Variants in ZNF471 observed in about 807,000 individuals in gnomAD.
The protein encoded by ZNF471 is zinc finger protein 471, also known as EZFIT-related protein 1.
ZNF471 carries 7 observed loss-of-function variants against 13.7 expected under a neutral mutation model. The ratio of observed to expected loss-of-function variants is 0.51; its 90% CI spans 0.29 to 0.96. ZNF471 has a LOEUF of 0.96. Among genes scored for constraint, ZNF471 ranks in the 40% least tolerant of loss-of-function variants. The probability of loss-of-function intolerance (pLI) is 0.08; values close to 1 mark genes in which losing one functional copy is unlikely to be tolerated. For missense variants in ZNF471, 663 were observed against 743.3 expected, an observed-to-expected ratio of 0.89 and a Z score of 1.26; for synonymous variants, 218 against 235.6, an observed-to-expected ratio of 0.93 and a Z score of 0.68.
intron 4 of ZNF471, among the ~76,000 whole-genome samples, chr19:56,521,717 G>C (rs1385524936): frequency 6.6e-6 from 1 of 150,868 alleles, no homozygotes; most frequent in Non-Finnish European, 1.5e-5. Flanking sequence ...TTGAGAGGCT[G>C]AGGTGGGAGG....
Position 56,516,315 on chromosome 19 carries a change from A to C in ZNF471, c.74A>C (p.Gln25Pro). 6.2e-7 allele frequency: 1 copy of C among 1,613,958 alleles called. No individual in the cohort carries two copies. ...AAGGATGTGGCAATAGATTTTTCCC[A>C]GGAAGAATGGCAATGGATGAACCCT... ...TFKDVAIDFS[Q>P]EEWQWMNPAQ... The change falls in exon 3 of 5, where the codon CAG (glutamine) becomes CCG (proline). Residue 25 changes from glutamine (Q) to proline (P), a missense_variant. Transcript: ENST00000308031. The surrounding 1 kb of genome is among the most constrained non-coding windows in gnomAD (Gnocchi z 4.4).
intron 4 of ZNF471, among the ~76,000 whole-genome samples, chr19:56,521,818 C>T (rs2043978251): frequency 6.6e-6 from 1 of 151,794 alleles, no homozygotes; most frequent in Non-Finnish European, 1.5e-5. Context: ...TGGTGGCATG[C>T]ACTTGGTACT....
chr19:56,518,684 T>C, intron 4 of ZNF471, 107 bp downstream of exon 4: 1 of 888,692 alleles, frequency 1.1e-6, no homozygotes, highest in Non-Finnish European at 1.7e-6. Context: ...TTCATAAGCC[T>C]TACAGGCCTG....
intron 1 of ZNF471, among the ~76,000 whole-genome samples, chr19:56,509,258 C>T (rs190821582): frequency 4.6e-5 from 7 of 152,308 alleles, no homozygotes; most frequent in Non-Finnish European, 8.8e-5. Context: ...GTCATGCCTA[C>T]ATTATGAAGC....
rs2147908416 is a variant in ZNF471 at position 56,513,969 on chromosome 19, T to G, written c.34-2306T>G. Among the ~76,000 whole-genome samples the G allele has an allele frequency of 2.0e-5, 3 of 152,192 alleles. No individual in the cohort carries two copies. The Middle Eastern group carries it at 0.01, about 518-fold the overall frequency. On this transcript the variant is annotated intron_variant, in intron 2 of 4. Transcript: ENST00000308031. ...AATATTTTACATTAGTGTGGTACTT[T>G]TGTTAAAATTAATGAACCAATATTG...
At position 56,516,126 on chromosome 19, in the gene ZNF471, C is replaced by A; in HGVS notation, c.34-149C>A. 1 of 701,272 alleles carries A rather than the reference C, an allele frequency of 1.4e-6. No individual in the cohort carries two copies. Among genetic ancestry groups the A allele is most frequent in the Non-Finnish European group, 2.3e-6 (1 of 427,672 alleles). The allele number at this position is 701,272 out of a possible 1,614,324, so 43.4% of individuals were successfully genotyped here. ...TGTACCCAATGCAGTTAAACACTTCCATAAGTACTGTTTTGGCTTGGATCT... is the reference window on the plus strand; with the variant it reads ...TGTACCCAATGCAGTTAAACACTTCAATAAGTACTGTTTTGGCTTGGATCT... On this transcript the variant is annotated intron_variant, in intron 2 of 4. Coordinates refer to ENST00000308031, the MANE Select transcript of ZNF471 (RefSeq NM_020813.4). The surrounding 1 kb of genome is among the most constrained non-coding windows in gnomAD (Gnocchi z 4.4).
In ZNF471 at chr19:56,511,613, A is replaced by AT. The variant is rs779853411; in HGVS notation, c.33+10dup. ...TAAAAGTCATGCCCCAGGTTAGTGG[A>AT]TATTTTCTTTCTCTTCATGAAAGGC... On this transcript the variant is annotated intron_variant, in intron 2 of 4. Transcript: ENST00000308031. The AT allele has an allele frequency of 3.7e-6, 6 of 1,608,744 alleles. No homozygotes were observed. In the African/African-American group the frequency reaches 8.0e-5, roughly 22 times the overall value.
At chr19:56,513,556 A>G (rs552771680) in intron 2 of ZNF471, among the ~76,000 whole-genome samples, 71 of 152,236 alleles carry the variant, frequency 4.7e-4, no homozygotes, top group Admixed American at 1.0e-3. Flanking sequence ...AACTTCTGTT[A>G]TTGCATACTT....
At position 56,522,526 on chromosome 19, in the gene ZNF471, G is replaced by C. The variant is rs2043987505; in HGVS notation, c.257-1798G>C. ...TTAGTGCATAATGTATAATTGCTTA[G>C]GAAATATTGGATTAGTCGATGATTT... is the stretch of plus-strand genomic sequence containing the variant. On this transcript the variant is annotated intron_variant, in intron 4 of 4. Coordinates refer to ENST00000308031, the MANE Select transcript of ZNF471 (RefSeq NM_020813.4). This position sits in a 1 kb window ranked among gnomAD's most constrained non-coding sequence, Gnocchi z 4.1. 6.6e-6 allele frequency among the ~76,000 whole-genome samples: 1 copy of C among 152,032 alleles called. No homozygotes were observed. Among genetic ancestry groups the C allele is most frequent in the Admixed American group, 6.6e-5 (1 of 15,250 alleles).
Position 56,526,007 on chromosome 19 carries a change from G to T in ZNF471, c.*59G>T. On this transcript the variant is annotated 3_prime_UTR_variant, in exon 5 of 5. Transcript: ENST00000308031. ...CACCAATCCCCTACTGTTAATCAGA[G>T]ATGTCCCACTGGATAAAAAACATAT... The T allele has an allele frequency of 1.4e-6, 2 of 1,453,174 alleles. No homozygotes were observed. The highest frequency in any genetic ancestry group is 1.8e-6 in the Non-Finnish European group (2 of 1,084,424). The allele number at this position is 1,453,174 out of a possible 1,614,324, so 90.0% of individuals were successfully genotyped here.
intron 4 of ZNF471, among the ~76,000 whole-genome samples, chr19:56,520,007 G>A (rs538742353): frequency 7.2e-5 from 11 of 152,230 alleles, no homozygotes; most frequent in African/African-American, 2.2e-4. Flanking sequence ...GTATCATTCC[G>A]GGTTTCTGGC....
Position 56,512,629 on chromosome 19 carries a change from G to A in ZNF471, c.33+1025G>A, listed in dbSNP as rs895664080. 4.7e-5 allele frequency among the ~76,000 whole-genome samples: 7 copies of A among 147,624 alleles called. No individual in the cohort carries two copies. In the East Asian group the frequency reaches 1.4e-3, roughly 29 times the overall value. On this transcript the variant is annotated intron_variant, in intron 2 of 4. Coordinates refer to ENST00000308031, the MANE Select transcript of ZNF471 (RefSeq NM_020813.4). ...TATATCATGCACTAAATTCCTGTGT[G>A]TATTTGGTTCTGTTGCTGTACTACA... is the stretch of plus-strand genomic sequence containing the variant.
rs935374658 is a variant in ZNF471, at chr19:56,525,720, C to T, written c.1653C>T (p.Ala551=). The T allele has an allele frequency of 5.0e-6, 8 of 1,613,662 alleles. No homozygotes were observed. In the Admixed American group the frequency reaches 1.0e-4, roughly 20 times the overall value. Reference sequence around the variant, plus strand: ...ATGAGTGTAATGAATGCGGGAAAGCCTTCAGCCAAACTTCCAATCTTACTC... The same window carrying T: ...ATGAGTGTAATGAATGCGGGAAAGCTTTCAGCCAAACTTCCAATCTTACTC... The part of the protein sequence containing the change: ...KPYECNECGK[A]FSQTSNLTQH... Residue 551 remains alanine (A), a synonymous_variant, in exon 5 of 5, where the codon GCC becomes GCT. Transcript: ENST00000308031.
intron 4 of ZNF471, among the ~76,000 whole-genome samples, chr19:56,519,014 C>T (rs1324860661): frequency 6.6e-6 from 1 of 152,156 alleles, no homozygotes; most frequent in East Asian, 1.9e-4. Context: ...CTGTTAGCCT[C>T]TTCCTGATCA....
intron 3 of ZNF471, among the ~76,000 whole-genome samples, chr19:56,517,298 A>ATT (rs57499065): frequency 8.0e-5 from 8 of 100,394 alleles, no homozygotes; most frequent in African/African-American, 2.1e-4. Flanking sequence ...CACCCAGCTA[A>ATT]TTTTTTTTTT....
chr19:56,524,540 A>T lies in ZNF471; in HGVS notation c.473A>T (p.Glu158Val). ...THKETITKET[E>V]FKYTKFGKCI... Reference sequence around the variant, plus strand: ...AAAGAAACCATCACTAAGGAAACAGAATTCAAATATACTAAATTTGGGAAA... The same window carrying T: ...AAAGAAACCATCACTAAGGAAACAGTATTCAAATATACTAAATTTGGGAAA... Residue 158 changes from glutamate (E) to valine (V), a missense_variant, in exon 5 of 5, where the codon GAA becomes GTA. By Grantham distance (121) the Glu-to-Val change is moderately radical (BLOSUM62 -2). Coordinates refer to ENST00000308031, the MANE Select transcript of ZNF471 (RefSeq NM_020813.4). The surrounding 1 kb of genome is among the most constrained non-coding windows in gnomAD (Gnocchi z 4.8). 6.2e-7 allele frequency: 1 copy of T among 1,600,728 alleles called. No homozygotes were observed. Among genetic ancestry groups the T allele is most frequent in the Non-Finnish European group, 8.5e-7 (1 of 1,176,374 alleles).
At chr19:56,514,859 A>G (rs975343064) in intron 2 of ZNF471, among the ~76,000 whole-genome samples, 1 of 152,220 alleles carries the variant, frequency 6.6e-6, no homozygotes, top group Non-Finnish European at 1.5e-5. Context: ...GGGCAAACAT[A>G]AATCATTTGA....
In ZNF471 at chr19:56,525,694, T is replaced by A; in HGVS notation, c.1627T>A (p.Tyr543Asn). 6.2e-7 allele frequency: 1 copy of A among 1,614,030 alleles called. No individual in the cohort carries two copies. The highest frequency in any genetic ancestry group is 8.5e-7 in the Non-Finnish European group (1 of 1,179,980). ...HQKTHTGEKPYECNECGKAFS... is the reference protein window; with the variant it reads ...HQKTHTGEKPNECNECGKAFS... ...GAAAACTCATACAGGAGAGAAACCT[T>A]ATGAGTGTAATGAATGCGGGAAAGC... The change falls in exon 5 of 5, where the codon TAT becomes AAT. Residue 543 changes from tyrosine to asparagine, a missense_variant. Tyr to Asn is a moderately radical substitution (Grantham distance 143). Coordinates refer to ENST00000308031, the MANE Select transcript of ZNF471 (RefSeq NM_020813.4).
At position 56,527,434 on chromosome 19, in the gene ZNF471, A is replaced by G. The variant is rs899442753; in HGVS notation, c.*1486A>G. 6.6e-6 allele frequency: 1 copy of G among 152,014 alleles called. No homozygotes were observed. Among genetic ancestry groups the G allele is most frequent in the Non-Finnish European group, 1.5e-5 (1 of 68,000 alleles). The allele number at this position is 152,014 out of a possible 1,614,324, so 9.4% of individuals were successfully genotyped here. A position where few individuals can be genotyped will look rare whatever the true frequency, so the allele number is the denominator to read the frequency against. ...GCCTCTTCTCCTCCAAAGGATCACA[A>G]CTCCTTGCCGGCAAGGGAACAAAAC... On this transcript the variant is annotated 3_prime_UTR_variant, in exon 5 of 5. Coordinates refer to ENST00000308031, the MANE Select transcript of ZNF471 (RefSeq NM_020813.4).
Sources: allele counts gnomAD v4.1 joint callset (sites outside exome capture counted in the v4.1 genomes callset), GRCh38; gene constraint gnomAD v4.1.1; non-coding constraint Gnocchi (gnomAD v3.1); transcripts MANE v1.5; gene names NCBI Gene and HGNC (gene_info 2026-07-23, HGNC 2026-07-21).